Variants in ANKRD62 observed in about 807,000 individuals in gnomAD.
ANKRD62 encodes the protein ankyrin repeat domain 62.
In ANKRD62, 61 loss-of-function variants were observed where a neutral mutation model predicts 98.8. That is an observed-to-expected ratio of 0.62 (90% CI 0.50 to 0.76). ANKRD62 has a LOEUF of 0.76. Among genes scored for constraint, ANKRD62 ranks in the 30% least tolerant of loss-of-function variants. The pLI, the probability that ANKRD62 is intolerant of heterozygous loss-of-function variation, is 0.00. For synonymous variants in ANKRD62, 341 were observed against 367.9 expected, an observed-to-expected ratio of 0.93 and a Z score of 0.84; for missense variants, 933 against 1,082.9, an observed-to-expected ratio of 0.86 and a Z score of 1.94.
the ANKRD62 span, among the ~76,000 whole-genome samples, chr18:12,157,991 T>C: frequency 3.9e-5 from 6 of 152,230 alleles, no homozygotes; most frequent in Non-Finnish European, 5.9e-5. Flanking sequence ...GGTCATGAGC[T>C]TTAGAACATC....
At position 12,103,204 on chromosome 18, in the gene ANKRD62, A is replaced by C; in HGVS notation, c.867A>C (p.Glu289Asp). ...MTSEGEQERL[E>D]GCESSQPQVE... is the part of the protein sequence containing the mutation. ...CAGAGGGAGAGCAAGAAAGGCTTGAAGGATGTGAAAGTAGCCAGCCACAGG... is the reference window on the plus strand; with the variant it reads ...CAGAGGGAGAGCAAGAAAGGCTTGACGGATGTGAAAGTAGCCAGCCACAGG... The change falls in exon 7 of 14, where the codon GAA becomes GAC. Residue 289 changes from glutamate to aspartate, a missense_variant. Around this residue, in one of 3 missense-constraint regions of ANKRD62, gnomAD observed 549 missense variants for 587.9 expected, o/e 0.93. Coordinates refer to ENST00000587848, the MANE Select transcript of ANKRD62 (RefSeq NM_001277333.2). 7.3e-7 allele frequency: 1 copy of C among 1,363,432 alleles called. No individual in the cohort carries two copies. The highest frequency in any genetic ancestry group is 9.5e-7 in the Non-Finnish European group (1 of 1,049,220). 84.5% of individuals were successfully genotyped at this position (1,363,432 alleles called of 1,614,324 possible).
chr18:12,107,549 T>C, intron 8 of ANKRD62, 82 bp downstream of exon 8: 1 of 1,079,234 alleles, frequency 9.3e-7, no homozygotes, highest in Non-Finnish European at 1.2e-6. Context: ...ATATGTACGA[T>C]TAACAAATTT....
At chr18:12,173,858 G>A in the ANKRD62 span, among the ~76,000 whole-genome samples, 72 of 152,348 alleles carry the variant, frequency 4.7e-4, no homozygotes, top group Non-Finnish European at 1.5e-5. Flanking sequence ...TGAAAGGCCT[G>A]TCATTAGTCT....
At chr18:12,116,102 G>A (rs1270013587) in intron 10 of ANKRD62, among the ~76,000 whole-genome samples, 2 of 152,084 alleles carry the variant, frequency 1.3e-5, no homozygotes, top group African/African-American at 4.8e-5. Context: ...AGGTATAACT[G>A]ATACATGTTA....
intron 5 of ANKRD62, among the ~76,000 whole-genome samples, chr18:12,099,410 T>G (rs1909251355): frequency 7.3e-6 from 1 of 137,414 alleles, no homozygotes; most frequent in Non-Finnish European, 1.7e-5. Flanking sequence ...CATGAGTTAA[T>G]TTACTGAGTT....
In ANKRD62 at chr18:12,125,983, A is replaced by G. The variant is rs1369521125; in HGVS notation, c.2162A>G (p.His721Arg). 1.3e-6 allele frequency: 2 copies of G among 1,537,172 alleles called. No homozygotes were observed. The highest frequency in any genetic ancestry group is 1.7e-6 in the Non-Finnish European group (2 of 1,146,912). Reference sequence around the variant, plus strand: ...TCCAGTGGCCTGGAAACTGAGCTCCATTATGAAAGAGAGGCTCTCAAAGAA... The same window carrying G: ...TCCAGTGGCCTGGAAACTGAGCTCCGTTATGAAAGAGAGGCTCTCAAAGAA... ...STSSGLETEL[H>R]YEREALKEKT... is the part of the protein sequence containing the mutation. The change falls in exon 13 of 14, where the codon CAT becomes CGT. Residue 721 changes from histidine to arginine, a missense_variant. This residue lies in a region of ANKRD62 where 362 missense variants were observed against 434.5 expected (regional missense o/e 0.83). Coordinates refer to ENST00000587848, the MANE Select transcript of ANKRD62 (RefSeq NM_001277333.2).
chr18:12,145,999 C>T, the ANKRD62 span, among the ~76,000 whole-genome samples: 1 of 151,892 alleles, frequency 6.6e-6, no homozygotes, highest in Non-Finnish European at 1.5e-5. Context: ...AAACCTTGCT[C>T]TGTGGGACCT....
the ANKRD62 span, among the ~76,000 whole-genome samples, chr18:12,171,694 A>C: frequency 6.6e-6 from 1 of 152,090 alleles, no homozygotes; most frequent in African/African-American, 2.4e-5. Flanking sequence ...CTATCTTGCT[A>C]GGTTGGGGAA....
chr18:12,106,561 T>C (rs1181938073), intron 7 of ANKRD62, among the ~76,000 whole-genome samples: 1 of 152,168 alleles, frequency 6.6e-6, no homozygotes, highest in Non-Finnish European at 1.5e-5. Context: ...TGCCAGGGGA[T>C]TTAGATGAAT....
intron 8 of ANKRD62, among the ~76,000 whole-genome samples, chr18:12,114,092 C>CA (rs1471643931): frequency 6.6e-6 from 1 of 152,064 alleles, no homozygotes; most frequent in African/African-American, 2.4e-5. Context: ...ATGGTGAGAA[C>CA]ACATAGACAC....
At chr18:12,151,663 G>A in the ANKRD62 span, among the ~76,000 whole-genome samples, 2 of 152,236 alleles carry the variant, frequency 1.3e-5, no homozygotes, top group East Asian at 3.9e-4. Context: ...AATTAGAGAA[G>A]CAAGAATAAA....
At chr18:12,173,547 G>A in the ANKRD62 span, among the ~76,000 whole-genome samples, 1 of 152,166 alleles carries the variant, frequency 6.6e-6, no homozygotes, top group African/African-American at 2.4e-5. Context: ...GATGTTAGCT[G>A]GTTATTTTGC....
chr18:12,123,713 A>G (rs1177281289), intron 11 of ANKRD62, among the ~76,000 whole-genome samples: 1 of 152,226 alleles, frequency 6.6e-6, no homozygotes, highest in Non-Finnish European at 1.5e-5. Context: ...AATCATGTTT[A>G]GGGATACCTG....
downstream of ANKRD62, among the ~76,000 whole-genome samples, chr18:12,130,265 T>C (rs1226424676): frequency 6.6e-6 from 1 of 152,204 alleles, no homozygotes; most frequent in Non-Finnish European, 1.5e-5. Context: ...TATATAATTA[T>C]TCCTTCAGAT....
Position 12,126,357 on chromosome 18 carries a change from T to C in ANKRD62, c.2536T>C (p.Tyr846His), listed in dbSNP as rs1403899612. The change falls in exon 13 of 14, where the codon TAT (tyrosine) becomes CAT (histidine). Residue 846 changes from tyrosine (Y) to histidine (H), a missense_variant. Tyr to His is a moderately conservative substitution (Grantham distance 83). Around this residue, in one of 3 missense-constraint regions of ANKRD62, gnomAD observed 362 missense variants for 434.5 expected, o/e 0.83. Transcript: ENST00000587848. ...CTLLKERQCQYEKEKEEREVV... is the reference protein window; with the variant it reads ...CTLLKERQCQHEKEKEEREVV... ...TCTTTTAAAAGAAAGACAATGCCAA[T>C]ATGAAAAAGAGAAAGAAGAAAGAGA... The C allele has an allele frequency of 4.6e-6, 7 of 1,511,022 alleles. No homozygotes were observed. Among genetic ancestry groups the C allele is most frequent in the Non-Finnish European group, 6.2e-6 (7 of 1,138,036 alleles). 93.6% of individuals were successfully genotyped at this position (1,511,022 alleles called of 1,614,324 possible). A position where few individuals can be genotyped will look rare whatever the true frequency, so the allele number is the denominator to read the frequency against.
chr18:12,106,930 A>T (rs1207107618), intron 7 of ANKRD62, among the ~76,000 whole-genome samples: 2 of 152,180 alleles, frequency 1.3e-5, no homozygotes, highest in Non-Finnish European at 2.9e-5. Context: ...CAGGAGGTAA[A>T]GATAGAAGAG....
intron 7 of ANKRD62, among the ~76,000 whole-genome samples, chr18:12,105,651 A>G (rs1053371790): frequency 1.3e-5 from 2 of 152,064 alleles, no homozygotes; most frequent in African/African-American, 4.8e-5. Flanking sequence ...AATTTTTTTT[A>G]CTTATGAAAA....
chr18:12,161,725 C>T, the ANKRD62 span, among the ~76,000 whole-genome samples: 1 of 152,098 alleles, frequency 6.6e-6, no homozygotes, highest in Admixed American at 6.6e-5. Context: ...TCTCTATCTC[C>T]ACAAGTGTAA....
chr18:12,107,597 T>C (rs996124998), intron 8 of ANKRD62, 130 bp downstream of exon 8: 11 of 671,468 alleles, frequency 1.6e-5, no homozygotes, highest in Non-Finnish European at 2.1e-5. Flanking sequence ...TGCCTGGTAA[T>C]CATAAAATGC....
Sources: gnomAD v4.1 joint callset for allele counts (sites outside exome capture counted in the v4.1 genomes callset) on GRCh38, gnomAD v4.1.1 for gene constraint, gnomAD v4.1.1 regional missense constraint, MANE v1.5 for transcripts, NCBI Gene and HGNC (gene_info 2026-07-23, HGNC 2026-07-21) for gene names.